Variants in DENND1A observed in about 807,000 individuals in gnomAD.
The protein encoded by DENND1A is DENN domain containing 1A, also known as DENN domain-containing protein 1A.
Under a neutral mutation model 113.7 loss-of-function variants are expected in DENND1A, and 51 were observed. The ratio of observed to expected loss-of-function variants is 0.45; its 90% CI spans 0.36 to 0.57. The LOEUF is 0.57. DENND1A is among the 20% of genes least tolerant of loss of function. The pLI is 0.00. For synonymous variants in DENND1A, 565 were observed against 570.8 expected, an observed-to-expected ratio of 0.99 and a Z score of 0.14; for missense variants, 1,258 against 1,395.9, an observed-to-expected ratio of 0.90 and a Z score of 1.57.
At chr9:123,394,224 C>T (rs7048859) in intron 21 of DENND1A, among the ~76,000 whole-genome samples, 20,771 of 152,054 alleles carry the variant, frequency 0.14, 1,463 homozygotes, top group Admixed American at 0.18. Context: ...TCTTGAACTC[C>T]TAAACTTAGG....
intron 2 of DENND1A, among the ~76,000 whole-genome samples, chr9:123,805,358 G>A (rs1308187623): frequency 6.6e-6 from 1 of 151,816 alleles, no homozygotes; most frequent in Non-Finnish European, 1.5e-5. Flanking sequence ...GAGATATCTT[G>A]AGGATGGGCC....
At chr9:123,758,801 T>C (rs1480887198) in intron 4 of DENND1A, among the ~76,000 whole-genome samples, 1 of 152,156 alleles carries the variant, frequency 6.6e-6, no homozygotes, top group Non-Finnish European at 1.5e-5. Flanking sequence ...AGAAACTCTT[T>C]GTTTTGTTTT....
At chr9:123,474,557 C>T (rs1231566325) in intron 13 of DENND1A, among the ~76,000 whole-genome samples, 1 of 152,204 alleles carries the variant, frequency 6.6e-6, no homozygotes, top group Non-Finnish European at 1.5e-5. Context: ...TTGTTACCCA[C>T]ATGTATGGCA....
At chr9:123,816,119 G>A (rs745452501) in intron 2 of DENND1A, among the ~76,000 whole-genome samples, 39 of 150,106 alleles carry the variant, frequency 2.6e-4, no homozygotes, top group Non-Finnish European at 5.6e-4. Flanking sequence ...TCCCACTTTA[G>A]CCTCCTGAGT....
chr9:123,770,269 T>C (rs1829515984), intron 3 of DENND1A, among the ~76,000 whole-genome samples: 1 of 152,190 alleles, frequency 6.6e-6, no homozygotes. Context: ...AGTTTAAATG[T>C]CTTTCTAAAA....
chr9:123,798,725 C>CAAAAAAAAAAAAAAAAA (rs59256751), intron 2 of DENND1A, among the ~76,000 whole-genome samples: 1 of 70,044 alleles, frequency 1.4e-5, no homozygotes, highest in Non-Finnish European at 3.2e-5. Flanking sequence ...GTGCTGGAGG[C>CAAAAAAAAAAAAAAAAA]AAAAAAAAAA....
intron 13 of DENND1A, among the ~76,000 whole-genome samples, chr9:123,471,419 C>T (rs770320919): frequency 2.0e-5 from 3 of 152,200 alleles, no homozygotes; most frequent in Non-Finnish European, 4.4e-5. Flanking sequence ...CTGTTTTCCA[C>T]CCCAAATTAG....
At chr9:123,553,243 C>T (rs138633380) in intron 13 of DENND1A, among the ~76,000 whole-genome samples, 355 of 152,144 alleles carry the variant, frequency 2.3e-3, no homozygotes, top group African/African-American at 8.3e-3. Flanking sequence ...TAGAGCGAGA[C>T]CCCGTCTCAA....
chr9:123,572,571 A>C (rs1240621046), intron 12 of DENND1A, among the ~76,000 whole-genome samples: 1 of 152,200 alleles, frequency 6.6e-6, no homozygotes, highest in Non-Finnish European at 1.5e-5. Flanking sequence ...CTCATGACTA[A>C]CGATGCGGAG....
chr9:123,465,951 A>G (rs1036054934), intron 13 of DENND1A, among the ~76,000 whole-genome samples: 8 of 152,150 alleles, frequency 5.3e-5, no homozygotes, highest in African/African-American at 1.9e-4. Context: ...TTCTCATCAG[A>G]CAGTGGAAAC....
intron 2 of DENND1A, among the ~76,000 whole-genome samples, chr9:123,815,695 G>A (rs779108821): frequency 4.7e-4 from 71 of 152,072 alleles, no homozygotes; most frequent in Admixed American, 7.2e-4. Flanking sequence ...TAGTTTTAGC[G>A]TATTAAAATC....
intron 2 of DENND1A, among the ~76,000 whole-genome samples, chr9:123,860,911 A>G (rs1844968806): frequency 6.6e-6 from 1 of 152,246 alleles, no homozygotes; most frequent in African/African-American, 2.4e-5. Flanking sequence ...GAAAACATCA[A>G]TAACATTTAC....
chr9:123,705,435 T>C (rs1472238683), intron 5 of DENND1A, among the ~76,000 whole-genome samples: 1 of 152,164 alleles, frequency 6.6e-6, no homozygotes, highest in Non-Finnish European at 1.5e-5. Flanking sequence ...ATTTTATATC[T>C]GAAATCCAAA....
intron 13 of DENND1A, among the ~76,000 whole-genome samples, chr9:123,481,148 C>T (rs936564385): frequency 3.3e-5 from 5 of 152,162 alleles, no homozygotes; most frequent in African/African-American, 1.2e-4. Context: ...TGCAGAGAAG[C>T]GCCTCTTTTG....
chr9:123,450,824 G>A lies in DENND1A; in HGVS notation c.1300-75C>T, dbSNP rs534666287. 35 of 1,204,914 alleles carry A rather than the reference G, an allele frequency of 2.9e-5. No individual in the cohort carries two copies. The South Asian group carries it at 3.3e-4, about 11-fold the overall frequency. The allele number at this position is 1,204,914 out of a possible 1,614,324, so 74.6% of individuals were successfully genotyped here. A position where few individuals can be genotyped will look rare whatever the true frequency, so the allele number is the denominator to read the frequency against. On this transcript the variant is annotated intron_variant, in intron 17 of 23. Transcript: ENST00000394215. ...GGACTATGCTTGATTTCAGTCCATCGAGAATCACCTTCTCTGATTACTAGA... is the reference window on the plus strand; with the variant it reads ...GGACTATGCTTGATTTCAGTCCATCAAGAATCACCTTCTCTGATTACTAGA...
chr9:123,921,128 T>C (rs1415238476), intron 1 of DENND1A, among the ~76,000 whole-genome samples: 1 of 152,198 alleles, frequency 6.6e-6, no homozygotes, highest in Non-Finnish European at 1.5e-5. Flanking sequence ...AAAAGGAACA[T>C]ACTTGCTGTT....
chr9:123,478,755 C>A (rs188341670), intron 13 of DENND1A, among the ~76,000 whole-genome samples: 1 of 152,306 alleles, frequency 6.6e-6, no homozygotes, highest in East Asian at 1.9e-4. Flanking sequence ...CCATAAAATT[C>A]TTTCCACTTT....
chr9:123,758,937 A>T (rs1189551708), intron 4 of DENND1A, among the ~76,000 whole-genome samples: 3 of 152,036 alleles, frequency 2.0e-5, no homozygotes, highest in Non-Finnish European at 4.4e-5. Flanking sequence ...AGTACCTGGA[A>T]CTACAGGTGC....
chr9:123,917,022 A>G (rs899314589), intron 1 of DENND1A, among the ~76,000 whole-genome samples: 2 of 151,986 alleles, frequency 1.3e-5, no homozygotes, highest in East Asian at 1.9e-4. Context: ...TGTCTCTACT[A>G]AAAATACAAA....
Sources: allele counts gnomAD v4.1 joint callset (sites outside exome capture counted in the v4.1 genomes callset), GRCh38; gene constraint gnomAD v4.1.1; transcripts MANE v1.5; gene names NCBI Gene and HGNC (gene_info 2026-07-23, HGNC 2026-07-21).